Variants in NALCN observed in about 807,000 individuals in gnomAD.
NALCN encodes the protein sodium leak channel, non-selective, also known as sodium leak channel NALCN.
Under a neutral mutation model 225.3 loss-of-function variants are expected in NALCN, and 111 were observed. The ratio of observed to expected loss-of-function variants is 0.49; its 90% CI spans 0.42 to 0.58. The LOEUF is 0.58. Among genes scored for constraint, NALCN ranks in the 20% least tolerant of loss-of-function variants. NALCN has a pLI of 0.00. For synonymous variants in NALCN, 764 were observed against 769.0 expected (o/e 0.99, Z 0.11); for missense variants, 1,378 against 2,202.4 (o/e 0.63, Z 7.49).
intron 1 of NALCN, among the ~76,000 whole-genome samples, chr13:101,411,893 CA>C (rs752431265): frequency 1.3e-5 from 2 of 151,996 alleles, no homozygotes; most frequent in Non-Finnish European, 2.9e-5. Context: ...GACTCATTTA[CA>C]ACGTAAGAGA....
intron 9 of NALCN, 23 bp downstream of exon 9, chr13:101,291,962 TTATAA>T: frequency 3.1e-6 from 5 of 1,610,066 alleles, no homozygotes; most frequent in Non-Finnish European, 4.2e-6. Flanking sequence ...CTCGAATGGG[TTATAA>T]CATCCTCTTG....
intron 15 of NALCN, among the ~76,000 whole-genome samples, chr13:101,160,196 T>A (rs568647343): frequency 1.3e-5 from 2 of 152,186 alleles, no homozygotes; most frequent in Non-Finnish European, 2.9e-5. Flanking sequence ...CCTTGTGATC[T>A]GCCCGCCTTG....
At chr13:101,388,853 A>G (rs1416044839) in intron 3 of NALCN, among the ~76,000 whole-genome samples, 2 of 152,350 alleles carry the variant, frequency 1.3e-5, no homozygotes, top group African/African-American at 4.8e-5. Flanking sequence ...CTTCACCCAG[A>G]ATATTCAGAT....
chr13:101,299,524 C>T (rs2043877154), intron 7 of NALCN, among the ~76,000 whole-genome samples: 1 of 151,918 alleles, frequency 6.6e-6, no homozygotes. Context: ...TAGAAAAACA[C>T]AGAAGAAAAC....
intron 18 of NALCN, among the ~76,000 whole-genome samples, chr13:101,120,520 TA>T (rs34604121): frequency 0.32 from 43,949 of 138,888 alleles, 9,706 homozygotes; most frequent in African/African-American, 0.65. Flanking sequence ...ATGCCAAACT[TA>T]AAAAAAAAAA....
At chr13:101,063,071 AC>A (rs1225145938) in intron 40 of NALCN, among the ~76,000 whole-genome samples, 1 of 152,228 alleles carries the variant, frequency 6.6e-6, no homozygotes, top group Non-Finnish European at 1.5e-5. Context: ...GCAGTCCACC[AC>A]CAGAGGAGAA....
At chr13:101,286,007 A>C (rs1037435563) in intron 9 of NALCN, among the ~76,000 whole-genome samples, 1 of 152,242 alleles carries the variant, frequency 6.6e-6, no homozygotes, top group Non-Finnish European at 1.5e-5. Flanking sequence ...AATCAAAAGA[A>C]TCAATTTAAT....
At chr13:101,276,709 A>G (rs1439638766) in intron 10 of NALCN, among the ~76,000 whole-genome samples, 1 of 152,168 alleles carries the variant, frequency 6.6e-6, no homozygotes, top group African/African-American at 2.4e-5. Flanking sequence ...CAAATGGCTC[A>G]ATAGAGCCTA....
intron 40 of NALCN, among the ~76,000 whole-genome samples, chr13:101,063,666 G>C (rs1156401128): frequency 6.6e-6 from 1 of 152,124 alleles, no homozygotes; most frequent in African/African-American, 2.4e-5. Context: ...CTGGATAGTG[G>C]GAGGTGAAAT....
At chr13:101,113,785 C>T (rs1445329013) in intron 18 of NALCN, among the ~76,000 whole-genome samples, 6 of 152,320 alleles carry the variant, frequency 3.9e-5, no homozygotes, top group African/African-American at 1.2e-4. Flanking sequence ...TTTTATACTC[C>T]ATGTTCCTAC....
At chr13:101,370,192 G>T (rs905328858) in intron 6 of NALCN, among the ~76,000 whole-genome samples, 5 of 151,888 alleles carry the variant, frequency 3.3e-5, no homozygotes, top group East Asian at 3.9e-4. Context: ...TGTCCTCAAG[G>T]ACCTTAGACA....
chr13:101,326,788 T>C (rs1387178289), intron 7 of NALCN, among the ~76,000 whole-genome samples: 2 of 152,146 alleles, frequency 1.3e-5, no homozygotes, highest in Admixed American at 1.3e-4. Context: ...GTCAGATGGG[T>C]GATTCTTCTG....
intron 40 of NALCN, among the ~76,000 whole-genome samples, chr13:101,065,150 T>C (rs2032269257): frequency 1.3e-5 from 2 of 152,092 alleles, no homozygotes; most frequent in Admixed American, 6.5e-5. Flanking sequence ...TGCACCTCAG[T>C]GGGCAGGGGT....
At chr13:101,395,050 T>C in intron 3 of NALCN, 133 bp downstream of exon 3, 1 of 830,888 alleles carries the variant, frequency 1.2e-6, no homozygotes, top group Non-Finnish European at 1.7e-6. Context: ...TTATGCCTTT[T>C]TAAAAAGGAC....
intron 12 of NALCN, among the ~76,000 whole-genome samples, chr13:101,234,843 TCTATCTATCATCTAC>T (rs1227866671): frequency 2.6e-4 from 23 of 89,304 alleles, no homozygotes; most frequent in South Asian, 1.3e-3. Flanking sequence ...CTACTATCTA[TCTATCTATCATCTAC>T]CTATCTATCT....
chr13:101,107,457 A>T, intron 22 of NALCN, 30 bp downstream of exon 22: 1 of 1,613,604 alleles, frequency 6.2e-7, no homozygotes, highest in South Asian at 1.1e-5. Context: ...GGCTCAGGCC[A>T]AACACCTGGC....
intron 6 of NALCN, among the ~76,000 whole-genome samples, chr13:101,358,406 C>T (rs1738006457): frequency 6.6e-6 from 1 of 152,056 alleles, no homozygotes; most frequent in Non-Finnish European, 1.5e-5. Context: ...AGACTCTTCT[C>T]AAAAGAAGAT....
At chr13:101,085,310 TC>T (rs913274609) in intron 30 of NALCN, among the ~76,000 whole-genome samples, 16 of 152,264 alleles carry the variant, frequency 1.1e-4, no homozygotes, top group African/African-American at 3.8e-4. Context: ...ATAATTTTTT[TC>T]CTTTACAGAT....
At position 101,192,956 on chromosome 13, in the gene NALCN, A is replaced by C. The variant is rs151182049; in HGVS notation, c.1627-902T>G. 1.5e-4 allele frequency among the ~76,000 whole-genome samples: 23 copies of C among 152,332 alleles called. No individual in the cohort carries two copies. In the East Asian group the frequency reaches 4.4e-3, roughly 29 times the overall value. ...TTATAGACTTCAGTACGATAAAGAC[A>C]TAAATTGAATTCTCAGATATTGGGA... On this transcript the variant is annotated intron_variant, in intron 13 of 43. Transcript: ENST00000251127.
Sources: gnomAD v4.1 joint callset for allele counts (sites outside exome capture counted in the v4.1 genomes callset) on GRCh38, gnomAD v4.1.1 for gene constraint, MANE v1.5 for transcripts, NCBI Gene and HGNC (gene_info 2026-07-23, HGNC 2026-07-21) for gene names.